Variants in ALMS1 observed in about 807,000 individuals in gnomAD.
ALMS1 encodes the protein ALMS1 centrosome and basal body associated protein.
A neutral mutation model predicts 352.2 loss-of-function variants in ALMS1; 271 were observed. That is an observed-to-expected ratio of 0.77 (90% CI 0.70 to 0.85). The LOEUF is 0.85. ALMS1 is among the 40% of genes least tolerant of loss of function. The pLI is 0.00. For missense variants in ALMS1, 5,445 were observed against 4,870.7 expected, an observed-to-expected ratio of 1.12 and a Z score of -3.51; for synonymous variants, 1,865 against 1,761.2, an observed-to-expected ratio of 1.06 and a Z score of -1.48.
Position 73,449,369 on chromosome 2 carries a change from C to T in ALMS1, c.2842C>T (p.Pro948Ser). The T allele has an allele frequency of 6.2e-7, 1 of 1,614,088 alleles. No homozygotes were observed. Among genetic ancestry groups the T allele is most frequent in the Non-Finnish European group, 8.5e-7 (1 of 1,179,982 alleles). ...ATTGGCTGCCCAGAAGACTGGGACACCAACAGTGTCCTCTAATTCTCACTC... is the reference window on the plus strand; with the variant it reads ...ATTGGCTGCCCAGAAGACTGGGACATCAACAGTGTCCTCTAATTCTCACTC... Reference protein sequence around the residue: ...SVLAAQKTGTPTVSSNSHSHS... With the variant: ...SVLAAQKTGTSTVSSNSHSHS... The change falls in exon 8 of 23, where the codon CCA (proline) becomes TCA (serine). Residue 948 changes from proline to serine, a missense_variant. Physicochemically the swap from Pro to Ser is moderately conservative, Grantham distance 74 (BLOSUM62 -1). Coordinates refer to ENST00000613296, the MANE Select transcript of ALMS1 (RefSeq NM_001378454.1).
At chr2:73,548,344 A>T (rs1423769653) in intron 12 of ALMS1, among the ~76,000 whole-genome samples, 4 of 152,186 alleles carry the variant, frequency 2.6e-5, no homozygotes, top group African/African-American at 9.7e-5. Flanking sequence ...CACATACTAT[A>T]GCTATGCACA....
rs1671890891 is a variant in ALMS1, at chr2:73,449,852, C to T, written c.3325C>T (p.Gln1109Ter). ...AGAGAAGCCTGGTATTTTCTACCAACAGACCTTGCCAGAGAGTCATCTGCC... is the reference window on the plus strand; with the variant it reads ...AGAGAAGCCTGGTATTTTCTACCAATAGACCTTGCCAGAGAGTCATCTGCC... ...QREKPGIFYQ[Q>*]TLPESHLPKE... is the part of the protein sequence containing the mutation. The change falls in exon 8 of 23, where the codon CAG (glutamine) becomes TAG (stop). Residue 1109 changes from glutamine to a stop codon, truncating the protein, a stop_gained. Transcript: ENST00000613296. LOFTEE classifies it high-confidence loss of function. 14 of 1,614,102 alleles carry T rather than the reference C, an allele frequency of 8.7e-6. No homozygotes were observed. The highest frequency in any genetic ancestry group is 1.2e-5 in the Non-Finnish European group (14 of 1,179,992).
chr2:73,448,362 C>T lies in ALMS1; in HGVS notation c.1835C>T (p.Thr612Ile), dbSNP rs762503253. Residue 612 changes from threonine (T) to isoleucine (I), a missense_variant, in exon 8 of 23, where the codon ACT (threonine) becomes ATT (isoleucine). Coordinates refer to ENST00000613296, the MANE Select transcript of ALMS1 (RefSeq NM_001378454.1). ...GCTCCTGGACTAGCTGACCAGACAACTGGCATGTCAACTCTAACCTCTACT... is the reference window on the plus strand; with the variant it reads ...GCTCCTGGACTAGCTGACCAGACAATTGGCATGTCAACTCTAACCTCTACT... Reference protein sequence around the residue: ...SAAPGLADQTTGMSTLTSTSY... With the variant: ...SAAPGLADQTIGMSTLTSTSY... The T allele has an allele frequency of 1.9e-6, 3 of 1,614,032 alleles. No individual in the cohort carries two copies. The highest frequency in any genetic ancestry group is 4.5e-5 in the East Asian group (2 of 44,866).
intron 9 of ALMS1, among the ~76,000 whole-genome samples, chr2:73,466,227 A>T (rs187762595): frequency 1.1e-4 from 16 of 152,316 alleles, no homozygotes; most frequent in African/African-American, 3.6e-4. Flanking sequence ...AATACTTGGA[A>T]CCAACCCAAA....
chr2:73,400,565 G>A (rs2103655675), intron 1 of ALMS1, among the ~76,000 whole-genome samples: 1 of 152,264 alleles, frequency 6.6e-6, no homozygotes, highest in African/African-American at 2.4e-5. Context: ...ACCTGTCTGG[G>A]TCTGGTGCTT....
intron 12 of ALMS1, among the ~76,000 whole-genome samples, chr2:73,536,681 ATTG>A (rs1181702165): frequency 3.3e-5 from 5 of 152,060 alleles, no homozygotes; most frequent in African/African-American, 1.2e-4. Flanking sequence ...GACATACATC[ATTG>A]TTAGCAAATA....
chr2:73,489,157 G>C (rs1405012732), intron 9 of ALMS1, among the ~76,000 whole-genome samples: 2 of 152,140 alleles, frequency 1.3e-5, no homozygotes, highest in Non-Finnish European at 2.9e-5. Flanking sequence ...GATATTGGGG[G>C]AACATGCAGG....
Position 73,601,204 on chromosome 2 carries a change from G to T in ALMS1, c.11882G>T (p.Trp3961Leu). 1 of 1,614,150 alleles carries T rather than the reference G, an allele frequency of 6.2e-7. No homozygotes were observed. The highest frequency in any genetic ancestry group is 8.5e-7 in the Non-Finnish European group (1 of 1,180,028). ...AAACTGTTTCCTGTAGGAGTTTCCT[G>T]GTTTGTTCCTGTGGAAAATGTGGAG... ...NKKNSHEGVS[W>L]FVPVENVESR... The change falls in exon 19 of 23, where the codon TGG becomes TTG. Residue 3961 changes from tryptophan (W) to leucine (L), a missense_variant. By Grantham distance (61) the Trp-to-Leu change is moderately conservative (BLOSUM62 -2). Coordinates refer to ENST00000613296, the MANE Select transcript of ALMS1 (RefSeq NM_001378454.1).
chr2:73,572,320 G>A lies in ALMS1; in HGVS notation c.10443G>A (p.Lys3481=). The change falls in exon 16 of 23, where the codon AAG becomes AAA. Residue 3481 remains lysine, a synonymous_variant. Coordinates refer to ENST00000613296, the MANE Select transcript of ALMS1 (RefSeq NM_001378454.1). ...CCCGTTCTGTCTTCAGGTCAGCAAA[G>A]TTTTACATTCATCATCCCGTACACC... ...NTTRSVFRSA[K]FYIHHPVHLP... 6.2e-7 allele frequency: 1 copy of A among 1,605,854 alleles called. No individual in the cohort carries two copies. Among genetic ancestry groups the A allele is most frequent in the Non-Finnish European group, 8.5e-7 (1 of 1,176,872 alleles).
intron 10 of ALMS1, among the ~76,000 whole-genome samples, chr2:73,497,606 A>G (rs1247484257): frequency 6.6e-6 from 1 of 152,122 alleles, no homozygotes; most frequent in Non-Finnish European, 1.5e-5. Context: ...AAAAAAATGT[A>G]CCTACCTTAA....
intron 16 of ALMS1, among the ~76,000 whole-genome samples, chr2:73,586,907 G>A (rs1393384931): frequency 6.6e-6 from 1 of 152,070 alleles, no homozygotes; most frequent in Non-Finnish European, 1.5e-5. Context: ...ATTTGTTTGT[G>A]TCATCAATGA....
intron 10 of ALMS1, among the ~76,000 whole-genome samples, chr2:73,501,056 T>A (rs1673208895): frequency 6.6e-6 from 1 of 152,186 alleles, no homozygotes; most frequent in Non-Finnish European, 1.5e-5. Flanking sequence ...AACAGTATGG[T>A]ATTGTAATTT....
chr2:73,406,998 A>T (rs1029452618), intron 1 of ALMS1, among the ~76,000 whole-genome samples: 1 of 152,232 alleles, frequency 6.6e-6, no homozygotes, highest in African/African-American at 2.4e-5. Flanking sequence ...TTTAACCATT[A>T]ACATACTTTC....
intron 11 of ALMS1, among the ~76,000 whole-genome samples, chr2:73,526,814 A>G (rs1205708147): frequency 4.6e-5 from 7 of 152,068 alleles, no homozygotes; most frequent in Non-Finnish European, 1.0e-4. Context: ...ATGTTGAATA[A>G]CGGTTTTGAA....
chr2:73,534,479 C>T (rs954264287), intron 11 of ALMS1, among the ~76,000 whole-genome samples: 5 of 152,084 alleles, frequency 3.3e-5, no homozygotes, highest in African/African-American at 9.7e-5. Context: ...AAAGTCATCT[C>T]AATGAAACAT....
chr2:73,385,761 C>T (rs1339460402), upstream of ALMS1: 1 of 577,598 alleles, frequency 1.7e-6, no homozygotes, highest in Non-Finnish European at 3.0e-6. Flanking sequence ...CCCGCCCAGG[C>T]GGGCGGCACT....
At chr2:73,474,315 A>G (rs1672534917) in intron 9 of ALMS1, among the ~76,000 whole-genome samples, 1 of 151,400 alleles carries the variant, frequency 6.6e-6, no homozygotes, top group Non-Finnish European at 1.5e-5. Context: ...ATCACATGGT[A>G]ATACGTTTCT....
At chr2:73,562,867 A>T (rs964893842) in intron 15 of ALMS1, among the ~76,000 whole-genome samples, 1 of 152,174 alleles carries the variant, frequency 6.6e-6, no homozygotes, top group Admixed American at 6.5e-5. Flanking sequence ...AACCTGGGCA[A>T]CAAGAGTGAA....
At chr2:73,466,822 A>G (rs1672358553) in intron 9 of ALMS1, among the ~76,000 whole-genome samples, 2 of 152,136 alleles carry the variant, frequency 1.3e-5, no homozygotes, top group Non-Finnish European at 2.9e-5. Flanking sequence ...CTGAGATGAA[A>G]TGTTATAAAC....
Sources: allele counts gnomAD v4.1 joint callset (sites outside exome capture counted in the v4.1 genomes callset), GRCh38; gene constraint gnomAD v4.1.1; transcripts MANE v1.5; gene names NCBI Gene and HGNC (gene_info 2026-07-23, HGNC 2026-07-21).